ANKRD30A: variants seen among roughly 807,000 people sequenced by gnomAD.
ANKRD30A encodes the protein ankyrin repeat domain-containing protein 30A.
In ANKRD30A, 170 loss-of-function variants were observed where a neutral mutation model predicts 166.3. That is an observed-to-expected ratio of 1.02 (90% CI 0.90 to 1.16). The LOEUF is 1.16. Ranked by LOEUF, ANKRD30A falls within the 50% of genes most tolerant of loss-of-function variation. The pLI is 0.00. For missense variants in ANKRD30A, 1,630 were observed against 1,518.0 expected (o/e 1.07, Z -1.23); for synonymous variants, 564 against 508.9 (o/e 1.11, Z -1.46).
chr10:37,259,824 G>A, the ANKRD30A span, among the ~76,000 whole-genome samples: 1 of 152,302 alleles, frequency 6.6e-6, no homozygotes, highest in African/African-American at 2.4e-5. Context: ...GTGAGGAAAG[G>A]ACTGAGAGAG....
intron 29 of ANKRD30A, 36 bp from the exon 30 acceptor site, chr10:37,199,691 G>A (rs893479161): frequency 2.3e-5 from 32 of 1,364,234 alleles, no homozygotes; most frequent in South Asian, 3.5e-5. Context: ...GTAGAGAAAT[G>A]TTCTCATGAA....
At chr10:37,151,518 C>G (rs17605798) in intron 11 of ANKRD30A, among the ~76,000 whole-genome samples, 1 of 151,954 alleles carries the variant, frequency 6.6e-6, no homozygotes, top group Non-Finnish European at 1.5e-5. Flanking sequence ...CATATACACA[C>G]CCAAAACACA....
intron 4 of ANKRD30A, 83 bp from the exon 5 acceptor site, chr10:37,133,833 T>A: frequency 6.7e-7 from 1 of 1,486,174 alleles, no homozygotes; most frequent in East Asian, 2.3e-5. Flanking sequence ...TGTTGGTACA[T>A]GTAAATGGTT....
intron 31 of ANKRD30A, among the ~76,000 whole-genome samples, chr10:37,213,720 A>G (rs1175941876): frequency 6.6e-6 from 1 of 151,632 alleles, no homozygotes; most frequent in East Asian, 1.9e-4. Context: ...AGTTCAAAAT[A>G]CTTTCTAATT....
chr10:37,192,840 C>T (rs993168884), intron 25 of ANKRD30A, among the ~76,000 whole-genome samples: 1 of 150,984 alleles, frequency 6.6e-6, no homozygotes, highest in African/African-American at 2.4e-5. Flanking sequence ...ATGTTGAAAT[C>T]CTCACAGCAT....
At chr10:37,249,475 G>T in the ANKRD30A span, among the ~76,000 whole-genome samples, 2 of 151,984 alleles carry the variant, frequency 1.3e-5, no homozygotes, top group Non-Finnish European at 2.9e-5. Context: ...TGGTAGTGAG[G>T]TCAGGGATGG....
intron 13 of ANKRD30A, among the ~76,000 whole-genome samples, chr10:37,156,364 AT>A (rs1348450845): frequency 6.6e-6 from 1 of 151,974 alleles, no homozygotes; most frequent in Non-Finnish European, 1.5e-5. Context: ...GTACCCCTTT[AT>A]AAAAATAAAA....
At chr10:37,257,291 C>T in the ANKRD30A span, among the ~76,000 whole-genome samples, 1 of 149,200 alleles carries the variant, frequency 6.7e-6, no homozygotes, top group South Asian at 2.1e-4. Flanking sequence ...CTCTTTTCTT[C>T]TTTATTGGTC....
At position 37,125,602 on chromosome 10, in the gene ANKRD30A, C is replaced by A. The variant is rs1835945371; in HGVS notation, c.-186C>A. 6.6e-6 allele frequency among the ~76,000 whole-genome samples: 1 copy of A among 152,182 alleles called. No individual in the cohort carries two copies. Among genetic ancestry groups the A allele is most frequent in the East Asian group, 1.9e-4 (1 of 5,156 alleles). The stretch of plus-strand genomic sequence containing the variant: ...GCGCATGCGCTGCTGGCTAACGGCT[C>A]TGCTCAGCGCGATTCTACTGAGAGA... On this transcript the variant is annotated 5_prime_UTR_variant, in exon 1 of 36. It adds an upstream start codon to the 5' untranslated region. Transcript: ENST00000361713.
intron 31 of ANKRD30A, among the ~76,000 whole-genome samples, chr10:37,209,020 T>G (rs1005167962): frequency 6.6e-6 from 1 of 152,188 alleles, no homozygotes; most frequent in Non-Finnish European, 1.5e-5. Context: ...ATAGTTCATC[T>G]CTTTTGAGTC....
chr10:37,236,145 A>T (rs529988202), downstream of ANKRD30A, among the ~76,000 whole-genome samples: 3 of 152,232 alleles, frequency 2.0e-5, no homozygotes, highest in Non-Finnish European at 4.4e-5. Context: ...AAAGTCAAGG[A>T]AGTAGGAAAC....
intron 31 of ANKRD30A, among the ~76,000 whole-genome samples, chr10:37,215,399 G>A (rs1416524455): frequency 6.6e-6 from 1 of 151,352 alleles, no homozygotes; most frequent in Admixed American, 6.6e-5. Context: ...CTAAATAGTA[G>A]GAGGGGTTTC....
At chr10:37,225,954 G>A (rs986385578) in intron 34 of ANKRD30A, among the ~76,000 whole-genome samples, 1 of 151,658 alleles carries the variant, frequency 6.6e-6, no homozygotes, top group African/African-American at 2.4e-5. Flanking sequence ...TCACCTACCA[G>A]TTTCCCATTC....
chr10:37,234,570 CT>C (rs1843593181), downstream of ANKRD30A, among the ~76,000 whole-genome samples: 2 of 151,980 alleles, frequency 1.3e-5, no homozygotes, highest in South Asian at 4.1e-4. Context: ...GTCTAAATGT[CT>C]TCTTGTTTGT....
At chr10:37,139,989 C>T (rs1836990235) in intron 6 of ANKRD30A, among the ~76,000 whole-genome samples, 6 of 152,122 alleles carry the variant, frequency 3.9e-5, no homozygotes, top group Admixed American at 3.3e-4. Flanking sequence ...TTCCTGAAAG[C>T]ACAAACAGTC....
intron 25 of ANKRD30A, among the ~76,000 whole-genome samples, chr10:37,191,602 A>C (rs1422595054): frequency 6.6e-6 from 1 of 151,984 alleles, no homozygotes; most frequent in Admixed American, 6.6e-5. Context: ...TGGTATTAAC[A>C]CTTTTTGCAA....
chr10:37,178,216 A>G (rs1839888351), intron 24 of ANKRD30A, among the ~76,000 whole-genome samples: 1 of 151,270 alleles, frequency 6.6e-6, no homozygotes, highest in South Asian at 2.1e-4. Context: ...CAGCAAAAAT[A>G]TTCTGACTCT....
rs778393411 is a variant in ANKRD30A at position 37,149,637 on chromosome 10, C to G, written c.1544-14C>G. On this transcript the variant is annotated splice_polypyrimidine_tract_variant and intron_variant, in intron 9 of 35. Transcript: ENST00000361713. ...CTTACTTATGATTGATGATAAATCT[C>G]TTTTGCTTTTTAGAGCCTCCTAAGA... The G allele has an allele frequency of 6.2e-7, 1 of 1,610,910 alleles. No homozygotes were observed. Among genetic ancestry groups the G allele is most frequent in the Non-Finnish European group, 8.5e-7 (1 of 1,177,644 alleles).
Position 37,130,352 on chromosome 10 carries a change from GGTGCAGTCATCGAA to G in ANKRD30A, c.490_503del (p.Val164GlnfsTer4), listed in dbSNP as rs1483188114. ...AGTGGTGGCAAAACTGCTGTCCCAT[GGTGCAGTCATCGAA>G]GTGCACAACAAGGTAGACACTAACC... On this transcript the variant is annotated frameshift_variant, in exon 3 of 36. Transcript: ENST00000361713. LOFTEE classifies it high-confidence loss of function. The G allele has an allele frequency of 6.5e-7, 1 of 1,544,440 alleles. No individual in the cohort carries two copies. Among genetic ancestry groups the G allele is most frequent in the East Asian group, 2.5e-5 (1 of 39,798 alleles).
Sources: gnomAD v4.1 joint callset for allele counts (sites outside exome capture counted in the v4.1 genomes callset) on GRCh38, gnomAD v4.1.1 for gene constraint, MANE v1.5 for transcripts, NCBI Gene and HGNC (gene_info 2026-07-23, HGNC 2026-07-21) for gene names.